GRIK1: variants seen among roughly 807,000 people sequenced by gnomAD.
GRIK1 encodes glutamate ionotropic receptor kainate type subunit 1.
Under a neutral mutation model 105.7 loss-of-function variants are expected in GRIK1, and 69 were observed. The ratio of observed to expected loss-of-function variants is 0.65; its 90% CI spans 0.54 to 0.80. GRIK1 has a LOEUF of 0.80. Among genes scored for constraint, GRIK1 ranks in the 30% least tolerant of loss-of-function variants. The probability of loss-of-function intolerance (pLI) is 0.00; values close to 1 mark genes in which losing one functional copy is unlikely to be tolerated. For missense variants in GRIK1, 1,109 were observed against 1,167.3 expected, an observed-to-expected ratio of 0.95 and a Z score of 0.73; for synonymous variants, 438 against 431.3, an observed-to-expected ratio of 1.02 and a Z score of -0.19.
chr21:29,555,507 T>C (rs981721196), intron 15 of GRIK1, among the ~76,000 whole-genome samples: 1 of 152,188 alleles, frequency 6.6e-6, no homozygotes, highest in Admixed American at 6.5e-5. Context: ...CATGTTGAGA[T>C]TAACTTTGGC....
At chr21:29,746,099 G>A (rs556893745) in intron 1 of GRIK1, among the ~76,000 whole-genome samples, 119 of 151,858 alleles carry the variant, frequency 7.8e-4, no homozygotes, top group Admixed American at 1.2e-3. Context: ...GCGGGACTCC[G>A]TTTCAAAAAT....
chr21:29,911,033 C>A (rs919854025), intron 1 of GRIK1, among the ~76,000 whole-genome samples: 8 of 152,006 alleles, frequency 5.3e-5, no homozygotes, highest in Non-Finnish European at 8.8e-5. Context: ...ACAATAACAA[C>A]AGCTGTAATA....
chr21:29,692,286 A>T (rs2063598503), intron 2 of GRIK1, among the ~76,000 whole-genome samples: 1 of 152,182 alleles, frequency 6.6e-6, no homozygotes, highest in Admixed American at 6.5e-5. Flanking sequence ...GGCTTTCTAC[A>T]GTATTTGCTC....
intron 1 of GRIK1, among the ~76,000 whole-genome samples, chr21:29,843,097 T>A (rs1448267971): frequency 6.6e-6 from 1 of 152,188 alleles, no homozygotes; most frequent in African/African-American, 2.4e-5. Flanking sequence ...TTAATAAATA[T>A]CCACAGAACA....
intron 14 of GRIK1, among the ~76,000 whole-genome samples, chr21:29,572,004 G>T (rs1275604565): frequency 6.6e-6 from 1 of 152,114 alleles, no homozygotes; most frequent in African/African-American, 2.4e-5. Flanking sequence ...CTCAAGAGAG[G>T]TTATTGTCTT....
At chr21:29,876,045 GCA>G (rs1027819723) in intron 1 of GRIK1, among the ~76,000 whole-genome samples, 24 of 151,804 alleles carry the variant, frequency 1.6e-4, no homozygotes, top group African/African-American at 5.6e-4. Flanking sequence ...TGTCAACTAG[GCA>G]CAGAGTCACA....
intron 1 of GRIK1, among the ~76,000 whole-genome samples, chr21:29,909,081 A>G (rs1227064712): frequency 6.6e-6 from 1 of 152,118 alleles, no homozygotes; most frequent in African/African-American, 2.4e-5. Context: ...TTTGTTACAC[A>G]TTGTATGCCC....
At chr21:29,866,160 A>T (rs1289452987) in intron 1 of GRIK1, among the ~76,000 whole-genome samples, 1 of 152,042 alleles carries the variant, frequency 6.6e-6, no homozygotes, top group Non-Finnish European at 1.5e-5. Context: ...TCAACCTCCC[A>T]GGTTCAATCA....
intron 1 of GRIK1, among the ~76,000 whole-genome samples, chr21:29,886,653 C>T (rs1220843236): frequency 1.3e-5 from 2 of 152,122 alleles, no homozygotes; most frequent in African/African-American, 4.8e-5. Context: ...CAAACACTTG[C>T]TTTTTTGGCT....
chr21:29,868,872 C>G (rs1434084137), intron 1 of GRIK1, among the ~76,000 whole-genome samples: 5 of 152,140 alleles, frequency 3.3e-5, no homozygotes, highest in Admixed American at 2.6e-4. Context: ...AGGATTCCAA[C>G]AATATTCTAC....
At chr21:29,653,106 C>T (rs181206618) in intron 5 of GRIK1, among the ~76,000 whole-genome samples, 9 of 152,112 alleles carry the variant, frequency 5.9e-5, no homozygotes, top group Admixed American at 2.6e-4. Flanking sequence ...AAAAGCCAAC[C>T]AGGACAGAAT....
rs945641641 is a variant in GRIK1 at position 29,712,662 on chromosome 21, G to T, written c.119-18599C>A. On this transcript the variant is annotated intron_variant, in intron 1 of 17. Transcript: ENST00000327783. ...TTCCACAATGATTTTATTGTATTTC[G>T]TTGGATTGCTTCTTTGTTAGTTCTG... 2.2e-4 allele frequency among the ~76,000 whole-genome samples: 34 copies of T among 152,180 alleles called. 1 individual carries two copies. Among genetic ancestry groups the T allele is most frequent in the South Asian group, 1.9e-3 (9 of 4,820 alleles).
At chr21:29,737,063 T>C (rs988260434) in intron 1 of GRIK1, among the ~76,000 whole-genome samples, 1 of 152,194 alleles carries the variant, frequency 6.6e-6, no homozygotes, top group African/African-American at 2.4e-5. Context: ...ATGTTCATAC[T>C]TCTAGATGTA....
intron 7 of GRIK1, among the ~76,000 whole-genome samples, chr21:29,606,780 C>T (rs1187219656): frequency 2.8e-5 from 4 of 142,254 alleles, no homozygotes; most frequent in South Asian, 2.3e-4. Context: ...TGCTGACTCT[C>T]TGTCTCTGTT....
At chr21:29,685,288 C>T (rs1263995021) in intron 3 of GRIK1, among the ~76,000 whole-genome samples, 2 of 152,128 alleles carry the variant, frequency 1.3e-5, no homozygotes, top group African/African-American at 2.4e-5. Context: ...TGACTATTTT[C>T]CCCAATATTT....
intron 1 of GRIK1, among the ~76,000 whole-genome samples, chr21:29,880,435 C>T (rs2069364397): frequency 6.6e-6 from 1 of 152,078 alleles, no homozygotes; most frequent in Admixed American, 6.6e-5. Flanking sequence ...TACATTCATC[C>T]TCTCTCTTCC....
intron 1 of GRIK1, among the ~76,000 whole-genome samples, chr21:29,786,833 A>G (rs464229): frequency 0.15 from 23,537 of 152,160 alleles, 1,791 homozygotes; most frequent in Non-Finnish European, 0.16. Context: ...GACTCAGTAT[A>G]TAGGAATTAA....
intron 6 of GRIK1, 56 bp downstream of exon 6, chr21:29,651,062 T>C: frequency 7.6e-7 from 1 of 1,319,846 alleles, no homozygotes; most frequent in Non-Finnish European, 1.1e-6. Flanking sequence ...CGTGAGATCT[T>C]AACCCCGAAG....
intron 1 of GRIK1, among the ~76,000 whole-genome samples, chr21:29,906,512 ATC>A (rs1262156584): frequency 6.6e-6 from 1 of 152,130 alleles, no homozygotes; most frequent in Admixed American, 6.5e-5. Context: ...TTGTTATTTC[ATC>A]TGTTTACTGA....
Sources: gnomAD v4.1 joint callset for allele counts (sites outside exome capture counted in the v4.1 genomes callset) on GRCh38, gnomAD v4.1.1 for gene constraint, MANE v1.5 for transcripts, NCBI Gene and HGNC (gene_info 2026-07-23, HGNC 2026-07-21) for gene names.